Variants in TBX19 observed in about 807,000 individuals in gnomAD.
TBX19 encodes T-box transcription factor TBX19.
Under a neutral mutation model 40.9 loss-of-function variants are expected in TBX19, and 33 were observed. That is an observed-to-expected ratio of 0.81 (90% CI 0.61 to 1.08). The LOEUF is 1.08. Among genes scored for constraint, TBX19 ranks in the 50% least tolerant of loss-of-function variants. TBX19 has a pLI of 0.00. For synonymous variants in TBX19, 220 were observed against 225.0 expected (o/e 0.98, Z 0.20); for missense variants, 494 against 574.0 (o/e 0.86, Z 1.42).
chr1:168,284,033 G>A lies in TBX19; in HGVS notation c.203+2740G>A, dbSNP rs74123907. On this transcript the variant is annotated intron_variant, in intron 1 of 7. Coordinates refer to ENST00000367821, the MANE Select transcript of TBX19 (RefSeq NM_005149.3). ...AGAAAGGCTTTTCTCTGAAAAACACGGAATTATCTCCAGAAACTGGGATCC... is the reference window on the plus strand; with the variant it reads ...AGAAAGGCTTTTCTCTGAAAAACACAGAATTATCTCCAGAAACTGGGATCC... Among the ~76,000 whole-genome samples, 1,289 of 152,238 alleles carry A rather than the reference G, an allele frequency of 8.5e-3. 20 individuals are homozygous for A. The highest frequency in any genetic ancestry group is 0.029 in the African/African-American group (1,220 of 41,524).
chr1:168,313,003 G>A lies in TBX19; in HGVS notation c.*1G>A, dbSNP rs1162590980. ...TTCTCCTTCCTCACTGGATGGTTAAGCAGGATCCTAGGAGCCTCTTTGCAC... is the reference window on the plus strand; with the variant it reads ...TTCTCCTTCCTCACTGGATGGTTAAACAGGATCCTAGGAGCCTCTTTGCAC... On this transcript the variant is annotated 3_prime_UTR_variant, in exon 8 of 8. Coordinates refer to ENST00000367821, the MANE Select transcript of TBX19 (RefSeq NM_005149.3). 19 of 1,614,018 alleles carry A rather than the reference G, an allele frequency of 1.2e-5. No homozygotes were observed. Among genetic ancestry groups the A allele is most frequent in the South Asian group, 2.2e-5 (2 of 91,082 alleles).
chr1:168,303,362 G>A (rs955107387), intron 5 of TBX19, among the ~76,000 whole-genome samples: 4 of 152,176 alleles, frequency 2.6e-5, no homozygotes, highest in Non-Finnish European at 4.4e-5. Flanking sequence ...CCCTACAAAG[G>A]ACATGAACTC....
Position 168,293,237 on chromosome 1 carries a change from G to T in TBX19, c.562G>T (p.Glu188Ter). ...AATGGTAACAAACTGCTCCTTCCCT[G>T]AAACCCAGTTCATAGCCGTGACTGC... The part of the protein sequence containing the change: ...HRMVTNCSFP[E>*]TQFIAVTAYQ... The change falls in exon 3 of 8, where the codon GAA becomes TAA. Residue 188 changes from glutamate to a stop codon, truncating the protein, a stop_gained. Transcript: ENST00000367821. LOFTEE classifies it high-confidence loss of function. 1 of 1,612,916 alleles carries T rather than the reference G, an allele frequency of 6.2e-7. No individual in the cohort carries two copies. Among genetic ancestry groups the T allele is most frequent in the East Asian group, 2.2e-5 (1 of 44,794 alleles).
At chr1:168,311,044 A>T (rs1244614381) in intron 7 of TBX19, among the ~76,000 whole-genome samples, 1 of 151,856 alleles carries the variant, frequency 6.6e-6, no homozygotes, top group Non-Finnish European at 1.5e-5. Flanking sequence ...GTTGGCATTT[A>T]TGGTTTGCAT....
chr1:168,295,368 C>G (rs1649079955), intron 3 of TBX19, among the ~76,000 whole-genome samples: 1 of 152,148 alleles, frequency 6.6e-6, no homozygotes, highest in African/African-American at 2.4e-5. Context: ...TGGGCTGCCA[C>G]TCAGCCAACT....
chr1:168,308,584 G>A (rs1352700550), intron 6 of TBX19, 158 bp from the exon 7 acceptor site: 28 of 921,140 alleles, frequency 3.0e-5, no homozygotes, highest in Middle Eastern at 5.4e-4. Flanking sequence ...GGAAACCCAC[G>A]TTTCTTTTTA....
At chr1:168,282,624 A>G (rs12084356) in intron 1 of TBX19, among the ~76,000 whole-genome samples, 2,570 of 152,274 alleles carry the variant, frequency 0.017, 72 homozygotes, top group African/African-American at 0.058. Flanking sequence ...AGCTTCTTTC[A>G]TAGAAGAAAA....
rs768488823 is a variant in TBX19 at position 168,308,856 on chromosome 1, G to T, written c.1031G>T (p.Gly344Val). The T allele has an allele frequency of 1.2e-5, 20 of 1,613,974 alleles. No homozygotes were observed. Among genetic ancestry groups the T allele is most frequent in the Non-Finnish European group, 1.6e-5 (19 of 1,179,988 alleles). ...ATCCTGTCTGTACCCCACACCAACG[G>T]ACCAATCAATCCAGGGCCCAGGTAA... is the stretch of plus-strand genomic sequence containing the variant. ...ASILSVPHTN[G>V]PINPGPSPYP... The change falls in exon 7 of 8, where the codon GGA (glycine) becomes GTA (valine). Residue 344 changes from glycine (G) to valine (V), a missense_variant. Gly to Val is a moderately radical substitution (Grantham distance 109). Transcript: ENST00000367821.
intron 5 of TBX19, 81 bp downstream of exon 5, chr1:168,300,564 G>C: frequency 7.6e-7 from 1 of 1,316,306 alleles, no homozygotes. Flanking sequence ...CTCTTTGCCT[G>C]TCAGGACTGC....
At position 168,308,748 on chromosome 1, in the gene TBX19, T is replaced by A; in HGVS notation, c.923T>A (p.Leu308Ter). ...MHRNHSPSVN[L>*]IESSSNNLQV... ...CTGTTGTTATTTCCCCAAGTGAATT[T>A]GATAGAAAGCTCAAGCAATAATCTG... Residue 308 changes from leucine (L) to a stop codon, truncating the protein, a stop_gained, in exon 7 of 8, where the codon TTG becomes TAG. Coordinates refer to ENST00000367821, the MANE Select transcript of TBX19 (RefSeq NM_005149.3). LOFTEE classifies it high-confidence loss of function. The A allele has an allele frequency of 6.2e-7, 1 of 1,614,128 alleles. No homozygotes were observed. Among genetic ancestry groups the A allele is most frequent in the Non-Finnish European group, 8.5e-7 (1 of 1,180,036 alleles).
At chr1:168,307,976 A>G (rs1649441391) in intron 6 of TBX19, 1 of 152,140 alleles carries the variant, frequency 6.6e-6, no homozygotes, top group African/African-American at 2.4e-5. Flanking sequence ...TTCATCCTAC[A>G]CAAGTGCAAC....
chr1:168,292,053 C>G (rs543674506), intron 2 of TBX19, among the ~76,000 whole-genome samples: 1 of 152,240 alleles, frequency 6.6e-6, no homozygotes, highest in East Asian at 1.9e-4. Flanking sequence ...TAGTTACTTT[C>G]TGTAATGTAG....
At chr1:168,283,065 C>T (rs1387118145) in intron 1 of TBX19, among the ~76,000 whole-genome samples, 1 of 152,192 alleles carries the variant, frequency 6.6e-6, no homozygotes, top group Non-Finnish European at 1.5e-5. Context: ...TTCACATCAG[C>T]CCAGTGTGGT....
intron 5 of TBX19, among the ~76,000 whole-genome samples, chr1:168,302,124 C>G (rs1649290609): frequency 6.6e-6 from 1 of 152,172 alleles, no homozygotes; most frequent in African/African-American, 2.4e-5. Flanking sequence ...ATCTTCTCAG[C>G]AAACTTCTTG....
rs763927465 is a variant in TBX19 at position 168,297,805 on chromosome 1, T to G, written c.665+20T>G. The G allele has an allele frequency of 5.7e-6, 9 of 1,589,612 alleles. No individual in the cohort carries two copies. Among genetic ancestry groups the G allele is most frequent in the South Asian group, 1.1e-5 (1 of 90,378 alleles). On this transcript the variant is annotated intron_variant, in intron 4 of 7. Transcript: ENST00000367821. The stretch of plus-strand genomic sequence containing the variant: ...GGAAAGGTAAGTAAAGAAATTTTAG[T>G]GAAATCTTCTAATGAATGATTTATG...
chr1:168,304,400 C>A (rs1417022197), intron 5 of TBX19, among the ~76,000 whole-genome samples: 1 of 152,196 alleles, frequency 6.6e-6, no homozygotes, highest in African/African-American at 2.4e-5. Flanking sequence ...TTGGTGGGTC[C>A]AGGTGGAGCC....
intron 5 of TBX19, among the ~76,000 whole-genome samples, chr1:168,301,162 C>G (rs1356591564): frequency 2.0e-5 from 3 of 152,226 alleles, no homozygotes; most frequent in Admixed American, 2.0e-4. Context: ...ATGCAGTTTG[C>G]CAGCTGCAGA....
chr1:168,309,236 G>A (rs1003214166), intron 7 of TBX19, among the ~76,000 whole-genome samples: 2 of 152,150 alleles, frequency 1.3e-5, no homozygotes, highest in African/African-American at 2.4e-5. Context: ...AGCTGGGCAT[G>A]GTGGCGCATG....
intron 1 of TBX19, among the ~76,000 whole-genome samples, chr1:168,283,121 G>A (rs563574216): frequency 7.2e-5 from 11 of 152,314 alleles, no homozygotes; most frequent in African/African-American, 2.4e-4. Context: ...GAGGCAAGGG[G>A]TCCTTGAGCC....
Sources: gnomAD v4.1 joint callset for allele counts (sites outside exome capture counted in the v4.1 genomes callset) on GRCh38, gnomAD v4.1.1 for gene constraint, MANE v1.5 for transcripts, NCBI Gene and HGNC (gene_info 2026-07-23, HGNC 2026-07-21) for gene names.